LSAMP: variants seen among roughly 807,000 people sequenced by gnomAD.
LSAMP encodes the protein limbic system-associated membrane protein.
A neutral mutation model predicts 38.6 loss-of-function variants in LSAMP; 7 were observed. The ratio of observed to expected loss-of-function variants is 0.18; its 90% CI spans 0.10 to 0.34. The LOEUF (loss-of-function observed/expected upper bound fraction) is 0.34. Ranked by LOEUF, LSAMP falls within the 10% of genes least tolerant of loss-of-function variation. The probability of loss-of-function intolerance (pLI) is 1.00; values close to 1 mark genes in which losing one functional copy is unlikely to be tolerated. For missense variants in LSAMP, 313 were observed against 420.0 expected (o/e 0.75, Z 2.23); for synonymous variants, 154 against 166.8 (o/e 0.92, Z 0.59).
At chr3:116,015,617 TG>T (rs757457715) in intron 3 of LSAMP, among the ~76,000 whole-genome samples, 14 of 152,186 alleles carry the variant, frequency 9.2e-5, no homozygotes, top group Non-Finnish European at 1.8e-4. Flanking sequence ...AATGCATAAA[TG>T]TCTTCAACTT....
chr3:116,391,449 G>A (rs1318644110), intron 1 of LSAMP, among the ~76,000 whole-genome samples: 1 of 152,238 alleles, frequency 6.6e-6, no homozygotes, highest in Non-Finnish European at 1.5e-5. Context: ...GGGAGGGCAT[G>A]GGAAGGAGGC....
intron 1 of LSAMP, among the ~76,000 whole-genome samples, chr3:116,337,838 T>C (rs935509095): frequency 1.3e-5 from 2 of 152,030 alleles, no homozygotes; most frequent in South Asian, 2.1e-4. Context: ...ATTCTGATTC[T>C]AGGATCCCAC....
At chr3:115,916,248 A>G (rs370492429) in intron 3 of LSAMP, among the ~76,000 whole-genome samples, 5 of 152,276 alleles carry the variant, frequency 3.3e-5, no homozygotes, top group African/African-American at 1.2e-4. Flanking sequence ...TGTGAGCAGT[A>G]GAGGGATTCA....
At chr3:116,322,551 G>A (rs1413513411) in intron 1 of LSAMP, among the ~76,000 whole-genome samples, 2 of 152,106 alleles carry the variant, frequency 1.3e-5, no homozygotes, top group Admixed American at 6.5e-5. Context: ...TTTATTTTAT[G>A]TTATATGTGG....
intron 1 of LSAMP, among the ~76,000 whole-genome samples, chr3:116,283,279 C>T (rs1400665013): frequency 1.3e-5 from 2 of 152,046 alleles, no homozygotes; most frequent in African/African-American, 4.8e-5. Flanking sequence ...TACCTAGTTA[C>T]GTGTTCATCG....
intron 1 of LSAMP, among the ~76,000 whole-genome samples, chr3:116,308,060 C>G (rs528867129): frequency 6.6e-6 from 1 of 152,042 alleles, no homozygotes; most frequent in Admixed American, 6.6e-5. Context: ...ATAAATGGTA[C>G]TATTTTTATT....
intron 1 of LSAMP, among the ~76,000 whole-genome samples, chr3:116,331,220 A>G (rs949763224): frequency 1.3e-5 from 2 of 152,224 alleles, no homozygotes; most frequent in Non-Finnish European, 2.9e-5. Context: ...AATAAAGCAA[A>G]TAAGATGAAG....
chr3:116,113,646 CG>C lies in LSAMP; in HGVS notation c.156-27091del, dbSNP rs1393221489. Among the ~76,000 whole-genome samples the C allele has an allele frequency of 2.0e-5, 3 of 151,428 alleles. No individual in the cohort carries two copies. The South Asian group carries it at 6.3e-4, about 32-fold the overall frequency. Reference sequence around the variant, plus strand: ...TTCACTGTTTTAGCCAGGATGGTCTCGATCTCCTGGCCTTGTGATCCGCCCG... The same window carrying C: ...TTCACTGTTTTAGCCAGGATGGTCTCATCTCCTGGCCTTGTGATCCGCCCG... On this transcript the variant is annotated intron_variant, in intron 1 of 6. Coordinates refer to ENST00000490035, the MANE Select transcript of LSAMP (RefSeq NM_002338.5).
In LSAMP at chr3:116,231,792, G is replaced by T. The variant is rs143171570; in HGVS notation, c.156-145236C>A. Among the ~76,000 whole-genome samples, 306 of 152,258 alleles carry T rather than the reference G, an allele frequency of 2.0e-3. 11 individuals are homozygous for T. The East Asian group carries it at 0.051, about 25-fold the overall frequency. The stretch of plus-strand genomic sequence containing the variant: ...AAAAAGGACACAGTTAAGGAGAAAA[G>T]AATTTCCTCGGCAGCTCAGAACTTA... On this transcript the variant is annotated intron_variant, in intron 1 of 6. Transcript: ENST00000490035.
At chr3:115,946,280 T>C (rs1237758675) in intron 3 of LSAMP, among the ~76,000 whole-genome samples, 1 of 152,070 alleles carries the variant, frequency 6.6e-6, no homozygotes, top group Non-Finnish European at 1.5e-5. Context: ...GGTGGCAGTA[T>C]TGGGGAAATG....
intron 2 of LSAMP, among the ~76,000 whole-genome samples, chr3:116,046,070 GT>G (rs1191594868): frequency 1.3e-5 from 2 of 152,176 alleles, no homozygotes; most frequent in Admixed American, 6.5e-5. Flanking sequence ...AAGTAGGCAT[GT>G]TAGCTAATCA....
chr3:116,232,641 AAG>A (rs2107629125), intron 1 of LSAMP, among the ~76,000 whole-genome samples: 1 of 151,832 alleles, frequency 6.6e-6, no homozygotes, highest in South Asian at 2.1e-4. Context: ...CAGCCTGAGA[AAG>A]AGACAATTTA....
chr3:116,267,257 C>G (rs1288345988), intron 1 of LSAMP, among the ~76,000 whole-genome samples: 2 of 152,052 alleles, frequency 1.3e-5, no homozygotes, highest in African/African-American at 4.8e-5. Flanking sequence ...TGTAAGTGAA[C>G]TTTGAACAGA....
intron 1 of LSAMP, among the ~76,000 whole-genome samples, chr3:116,139,636 T>G (rs1035188653): frequency 3.9e-5 from 6 of 151,988 alleles, no homozygotes; most frequent in African/African-American, 1.4e-4. Flanking sequence ...GCCTAAGTCT[T>G]TCATCGTCAA....
chr3:115,886,610 A>T (rs1249930336), intron 3 of LSAMP, among the ~76,000 whole-genome samples: 1 of 151,938 alleles, frequency 6.6e-6, no homozygotes, highest in South Asian at 2.1e-4. Context: ...CAAAATTGTT[A>T]TTGGTGCTTT....
intron 1 of LSAMP, among the ~76,000 whole-genome samples, chr3:116,086,828 C>T (rs1707999781): frequency 6.6e-6 from 1 of 152,102 alleles, no homozygotes; most frequent in African/African-American, 2.4e-5. Context: ...GTATTGACTT[C>T]CCATTATCTT....
chr3:115,832,143 G>A (rs1431886701), intron 6 of LSAMP, among the ~76,000 whole-genome samples: 1 of 152,124 alleles, frequency 6.6e-6, no homozygotes, highest in Admixed American at 6.6e-5. Context: ...GGATAGGAGG[G>A]AAGATCCTCC....
chr3:115,959,080 T>C (rs1166392011), intron 3 of LSAMP, among the ~76,000 whole-genome samples: 1 of 152,332 alleles, frequency 6.6e-6, no homozygotes, highest in African/African-American at 2.4e-5. Flanking sequence ...TGTCTCCTGA[T>C]CTAGATGTTT....
At chr3:116,404,240 T>C (rs2048875070) in intron 1 of LSAMP, among the ~76,000 whole-genome samples, 1 of 152,180 alleles carries the variant, frequency 6.6e-6, no homozygotes, top group Non-Finnish European at 1.5e-5. Flanking sequence ...TTAGATTCAG[T>C]TGTAAATACA....
Sources: gnomAD v4.1 joint callset for allele counts (sites outside exome capture counted in the v4.1 genomes callset) on GRCh38, gnomAD v4.1.1 for gene constraint, MANE v1.5 for transcripts, NCBI Gene and HGNC (gene_info 2026-07-23, HGNC 2026-07-21) for gene names.